Variants in AGBL4 observed in about 807,000 individuals in gnomAD.
AGBL4 encodes the protein cytosolic carboxypeptidase 6.
A neutral mutation model predicts 66.4 loss-of-function variants in AGBL4; 58 were observed. The ratio of observed to expected loss-of-function variants is 0.87; its 90% CI spans 0.71 to 1.09. AGBL4 has a LOEUF of 1.09. Ranked by LOEUF, AGBL4 falls within the 50% of genes least tolerant of loss-of-function variation. The pLI, the probability that AGBL4 is intolerant of heterozygous loss-of-function variation, is 0.00. For missense variants in AGBL4, 579 were observed against 631.0 expected, an observed-to-expected ratio of 0.92 and a Z score of 0.88; for synonymous variants, 234 against 222.9, an observed-to-expected ratio of 1.05 and a Z score of -0.44.
intron 3 of AGBL4, among the ~76,000 whole-genome samples, chr1:49,602,857 AAATAAAT>A (rs1644987909): frequency 6.6e-6 from 1 of 151,596 alleles, no homozygotes; most frequent in Admixed American, 6.6e-5. Context: ...ATAAATAAAT[AAATAAAT>A]AAAAATCTAG....
chr1:48,901,179 G>T (rs892009021), intron 5 of AGBL4, among the ~76,000 whole-genome samples: 16 of 152,106 alleles, frequency 1.1e-4, no homozygotes, highest in Non-Finnish European at 2.1e-4. Context: ...GATATCACTA[G>T]ACAACTATTA....
chr1:49,551,703 G>A (rs545674796), intron 3 of AGBL4, among the ~76,000 whole-genome samples: 4 of 152,188 alleles, frequency 2.6e-5, no homozygotes, highest in African/African-American at 7.2e-5. Context: ...AGGTGATAGC[G>A]GGGTGTAATG....
chr1:50,005,671 G>A (rs1017556803), intron 1 of AGBL4, among the ~76,000 whole-genome samples: 1 of 152,166 alleles, frequency 6.6e-6, no homozygotes, highest in African/African-American at 2.4e-5. Flanking sequence ...AGTCACCAGT[G>A]ACCAATTCTG....
chr1:49,783,333 A>T, intron 2 of AGBL4, among the ~76,000 whole-genome samples: 1 of 152,240 alleles, frequency 6.6e-6, no homozygotes. Context: ...TGATATCATT[A>T]CCAAATTGAA....
At chr1:48,981,438 A>G (rs1254741326) in intron 5 of AGBL4, among the ~76,000 whole-genome samples, 2 of 151,592 alleles carry the variant, frequency 1.3e-5, no homozygotes, top group Non-Finnish European at 2.9e-5. Context: ...TATGTAGAGG[A>G]AAAAAAATTG....
chr1:49,330,809 G>A (rs1049248252), intron 3 of AGBL4, among the ~76,000 whole-genome samples: 2 of 152,152 alleles, frequency 1.3e-5, no homozygotes, highest in African/African-American at 4.8e-5. Context: ...TGCTATGGGT[G>A]GCGCTCATGG....
rs376391108 is a variant in AGBL4, at chr1:49,459,039, T to C, written c.283-213175A>G. On this transcript the variant is annotated intron_variant, in intron 3 of 13. Transcript: ENST00000371839. The stretch of plus-strand genomic sequence containing the variant: ...TTCCTTCCTTCCTTCCTCTTTTCTT[T>C]CTTTCTCTTTCTTTCCTTTTCTTTT... Among the ~76,000 whole-genome samples, 281 of 151,602 alleles carry C rather than the reference T, an allele frequency of 1.9e-3. 3 individuals are homozygous for C. The highest frequency in any genetic ancestry group is 6.3e-3 in the African/African-American group (260 of 41,464).
intron 6 of AGBL4, among the ~76,000 whole-genome samples, chr1:48,841,747 T>C (rs910816994): frequency 6.6e-6 from 1 of 152,154 alleles, no homozygotes; most frequent in Admixed American, 6.5e-5. Context: ...CCTTATCTCT[T>C]CTTGCCAGTT....
chr1:49,970,774 C>T (rs1295906315), intron 1 of AGBL4, among the ~76,000 whole-genome samples: 3 of 144,304 alleles, frequency 2.1e-5, no homozygotes, highest in Admixed American at 6.9e-5. Flanking sequence ...AAAAACAGAA[C>T]GGTGCCCAAC....
At chr1:48,695,087 CTG>C (rs1336840177) in intron 6 of AGBL4, among the ~76,000 whole-genome samples, 1 of 152,204 alleles carries the variant, frequency 6.6e-6, no homozygotes, top group Admixed American at 6.5e-5. Context: ...GAGTCCATGA[CTG>C]TGTCACTCAG....
intron 4 of AGBL4, among the ~76,000 whole-genome samples, chr1:49,241,852 T>C (rs77823609): frequency 0.021 from 3,233 of 152,114 alleles, 127 homozygotes; most frequent in African/African-American, 0.075. Flanking sequence ...TTGTTTCTTA[T>C]AACAACGCTG....
intron 6 of AGBL4, among the ~76,000 whole-genome samples, chr1:48,832,988 T>C (rs565307666): frequency 1.3e-5 from 2 of 152,310 alleles, no homozygotes; most frequent in African/African-American, 4.8e-5. Context: ...CCTGGGTCTC[T>C]AATTTGCCAG....
chr1:49,464,251 A>G (rs746939740), intron 3 of AGBL4, among the ~76,000 whole-genome samples: 2 of 151,576 alleles, frequency 1.3e-5, no homozygotes, highest in Non-Finnish European at 3.0e-5. Flanking sequence ...CAATATATAT[A>G]CTCTCACTTG....
chr1:48,966,921 T>G (rs563687421), intron 5 of AGBL4, among the ~76,000 whole-genome samples: 1 of 152,030 alleles, frequency 6.6e-6, no homozygotes, highest in Non-Finnish European at 1.5e-5. Context: ...GGTGGGTAAA[T>G]GGGAGGGTCC....
intron 3 of AGBL4, among the ~76,000 whole-genome samples, chr1:49,545,310 A>G (rs1341671173): frequency 2.0e-5 from 3 of 152,220 alleles, no homozygotes; most frequent in African/African-American, 7.2e-5. Context: ...CACTTAAAAA[A>G]TGAGGCCCTC....
intron 3 of AGBL4, among the ~76,000 whole-genome samples, chr1:49,341,502 C>T (rs1167954994): frequency 2.0e-5 from 3 of 152,108 alleles, no homozygotes; most frequent in Non-Finnish European, 2.9e-5. Context: ...TTAGGACTTC[C>T]GAACTTAGGA....
At chr1:49,631,686 G>A (rs553746116) in intron 3 of AGBL4, among the ~76,000 whole-genome samples, 2 of 152,282 alleles carry the variant, frequency 1.3e-5, no homozygotes, top group South Asian at 2.1e-4. Context: ...AGAAATGCCT[G>A]TGAAAGACTA....
chr1:49,085,660 G>A (rs1226067669), intron 4 of AGBL4, among the ~76,000 whole-genome samples: 1 of 151,922 alleles, frequency 6.6e-6, no homozygotes, highest in Non-Finnish European at 1.5e-5. Context: ...GCAGAGAATA[G>A]CGAATCTGGT....
intron 11 of AGBL4, among the ~76,000 whole-genome samples, chr1:48,563,567 TAAC>T (rs1219312816): frequency 6.7e-6 from 1 of 149,786 alleles, no homozygotes; most frequent in Non-Finnish European, 1.5e-5. Flanking sequence ...ATACAGAGAG[TAAC>T]AACACACAAA....
Sources: allele counts gnomAD v4.1 joint callset (sites outside exome capture counted in the v4.1 genomes callset), GRCh38; gene constraint gnomAD v4.1.1; transcripts MANE v1.5; gene names NCBI Gene and HGNC (gene_info 2026-07-23, HGNC 2026-07-21).